Variants in EIF4EBP1 observed in about 807,000 individuals in gnomAD.
The protein encoded by EIF4EBP1 is eukaryotic translation initiation factor 4E-binding protein 1.
EIF4EBP1 carries 5 observed loss-of-function variants against 9.2 expected under a neutral mutation model. That is an observed-to-expected ratio of 0.54 (90% CI 0.28 to 1.14). EIF4EBP1 has a LOEUF of 1.14. EIF4EBP1 is among the 50% of genes most tolerant of loss of function. The pLI is 0.09. For synonymous variants in EIF4EBP1, 62 were observed against 67.0 expected, an observed-to-expected ratio of 0.93 and a Z score of 0.36; for missense variants, 139 against 169.6, an observed-to-expected ratio of 0.82 and a Z score of 1.00.
chr8:38,051,179 G>A (rs1363609772), intron 1 of EIF4EBP1, among the ~76,000 whole-genome samples: 2 of 152,116 alleles, frequency 1.3e-5, no homozygotes, highest in Non-Finnish European at 1.5e-5. Flanking sequence ...TCCATGCTGT[G>A]CCTAATTCCT....
At chr8:38,053,469 C>T (rs1809553275) in intron 1 of EIF4EBP1, among the ~76,000 whole-genome samples, 1 of 151,514 alleles carries the variant, frequency 6.6e-6, no homozygotes, top group Non-Finnish European at 1.5e-5. Context: ...TCTCCTGCCT[C>T]AGTCCAGAGT....
At chr8:38,030,791 C>A (rs1809205714) in intron 1 of EIF4EBP1, 73 bp downstream of exon 1, 1 of 1,368,286 alleles carries the variant, frequency 7.3e-7, no homozygotes, top group Non-Finnish European at 9.4e-7. Flanking sequence ...CGGATTGGAC[C>A]GGGTGTCCAG....
intron 1 of EIF4EBP1, among the ~76,000 whole-genome samples, chr8:38,044,924 A>T (rs1252457478): frequency 6.6e-6 from 1 of 152,136 alleles, no homozygotes; most frequent in Non-Finnish European, 1.5e-5. Context: ...GGAGGGGATG[A>T]CAGATGGCAA....
intron 1 of EIF4EBP1, among the ~76,000 whole-genome samples, chr8:38,044,572 G>C (rs1255203492): frequency 6.6e-6 from 1 of 152,174 alleles, no homozygotes; most frequent in Non-Finnish European, 1.5e-5. Context: ...TGGAGTAGCT[G>C]GGATCATAGG....
At chr8:38,041,149 C>T (rs1015390867) in intron 1 of EIF4EBP1, among the ~76,000 whole-genome samples, 6 of 151,980 alleles carry the variant, frequency 3.9e-5, no homozygotes, top group African/African-American at 1.5e-4. Flanking sequence ...TCGCCCAGGC[C>T]AGAGTGCAGT....
chr8:38,043,386 A>T (rs1809409388), intron 1 of EIF4EBP1, among the ~76,000 whole-genome samples: 1 of 138,494 alleles, frequency 7.2e-6, no homozygotes, highest in Non-Finnish European at 1.5e-5. Flanking sequence ...TTTTTTTGAG[A>T]TGGAGTCTTG....
rs749441637 is a variant in EIF4EBP1 at position 38,057,270 on chromosome 8, G to A, written c.325+10G>A. On this transcript the variant is annotated intron_variant, in intron 2 of 2. Transcript: ENST00000338825. ...GATAAGCGGGCGGGCGGTGAGTGTC[G>A]GGGCTTGGCCAGGCTCTACCTTGGG... 1.8e-5 allele frequency: 27 copies of A among 1,484,214 alleles called. 1 individual carries two copies. The highest frequency in any genetic ancestry group is 9.2e-5 in the South Asian group (7 of 76,412). The allele number at this position is 1,484,214 out of a possible 1,614,324, so 91.9% of individuals were successfully genotyped here.
chr8:38,040,122 A>G (rs1164192293), intron 1 of EIF4EBP1, among the ~76,000 whole-genome samples: 2 of 152,132 alleles, frequency 1.3e-5, no homozygotes, highest in African/African-American at 4.8e-5. Context: ...GCCTCAGGCA[A>G]TCCTCCTGCC....
At chr8:38,054,216 G>T (rs145700133) in intron 1 of EIF4EBP1, among the ~76,000 whole-genome samples, 1 of 152,198 alleles carries the variant, frequency 6.6e-6, no homozygotes, top group Non-Finnish European at 1.5e-5. Context: ...TCGGGAGGCT[G>T]AGGCCAGTGG....
intron 2 of EIF4EBP1, among the ~76,000 whole-genome samples, chr8:38,059,594 A>C (rs1809642317): frequency 6.6e-6 from 1 of 151,982 alleles, no homozygotes; most frequent in Admixed American, 6.6e-5. Context: ...TCTACTAAAA[A>C]TACAAAAATT....
At chr8:38,033,062 CTTTTTT>C (rs765781155) in intron 1 of EIF4EBP1, among the ~76,000 whole-genome samples, 1 of 125,454 alleles carries the variant, frequency 8.0e-6, no homozygotes, top group Non-Finnish European at 1.7e-5. Flanking sequence ...TTCTTTCTTT[CTTTTTT>C]TTTTTTTTTT....
At chr8:38,045,819 A>C (rs1028356853) in intron 1 of EIF4EBP1, among the ~76,000 whole-genome samples, 1 of 152,108 alleles carries the variant, frequency 6.6e-6, no homozygotes, top group Non-Finnish European at 1.5e-5. Context: ...AGTTCCCTAC[A>C]ACCTTGAATT....
At chr8:38,050,652 G>T (rs560617380) in intron 1 of EIF4EBP1, among the ~76,000 whole-genome samples, 5 of 151,766 alleles carry the variant, frequency 3.3e-5, no homozygotes, top group African/African-American at 9.7e-5. Context: ...TCGCTCTTTC[G>T]CTCAGGCTAC....
chr8:38,033,052 TTC>T (rs1313608111), intron 1 of EIF4EBP1, among the ~76,000 whole-genome samples: 1 of 144,408 alleles, frequency 6.9e-6, no homozygotes, highest in Admixed American at 7.0e-5. Context: ...TTTCTTTCTT[TTC>T]TTTCTTTCTT....
rs909781881 is a variant in EIF4EBP1 at position 38,054,853 on chromosome 8, A to C, written c.146-2228A>C. ...ATAGGCACTCAGACCTAGAAGGTGC[A>C]TGGGTCTTTATTTTACAGATGAGGA... On this transcript the variant is annotated intron_variant, in intron 1 of 2. Coordinates refer to ENST00000338825, the MANE Select transcript of EIF4EBP1 (RefSeq NM_004095.4). Among the ~76,000 whole-genome samples the C allele has an allele frequency of 2.0e-5, 3 of 152,200 alleles. No individual in the cohort carries two copies. The East Asian group carries it at 5.8e-4, about 29-fold the overall frequency.
At chr8:38,041,043 G>A (rs999392928) in intron 1 of EIF4EBP1, among the ~76,000 whole-genome samples, 8 of 151,944 alleles carry the variant, frequency 5.3e-5, no homozygotes, top group Admixed American at 2.6e-4. Flanking sequence ...CAAGTGATCC[G>A]CCCGCCTCGG....
intron 1 of EIF4EBP1, among the ~76,000 whole-genome samples, chr8:38,034,555 C>G (rs1238543846): frequency 6.6e-6 from 1 of 152,186 alleles, no homozygotes; most frequent in Non-Finnish European, 1.5e-5. Flanking sequence ...GAAACTTTCC[C>G]TCATCAATCT....
chr8:38,058,170 T>A (rs1809622704), intron 2 of EIF4EBP1, among the ~76,000 whole-genome samples: 1 of 152,188 alleles, frequency 6.6e-6, no homozygotes, highest in Non-Finnish European at 1.5e-5. Context: ...TCTGTTTTTT[T>A]ATGGCTGTAA....
At chr8:38,047,839 C>T (rs142341940) in intron 1 of EIF4EBP1, among the ~76,000 whole-genome samples, 67 of 152,076 alleles carry the variant, frequency 4.4e-4, no homozygotes, top group South Asian at 8.3e-4. Flanking sequence ...TTCTCTCTTC[C>T]TCTCCCCTCA....
Sources: allele counts gnomAD v4.1 joint callset (sites outside exome capture counted in the v4.1 genomes callset), GRCh38; gene constraint gnomAD v4.1.1; transcripts MANE v1.5; gene names NCBI Gene and HGNC (gene_info 2026-07-23, HGNC 2026-07-21).